The following COL4A3 variants were observed in gnomAD, a reference collection of about 807,000 sequenced individuals.
The protein encoded by COL4A3 is collagen type IV alpha 3 chain, also known as collagen alpha-3(IV) chain.
Under a neutral mutation model 217.4 loss-of-function variants are expected in COL4A3, and 135 were observed. The ratio of observed to expected loss-of-function variants is 0.62; its 90% CI spans 0.54 to 0.72. COL4A3 has a LOEUF of 0.72. COL4A3 is among the 30% of genes least tolerant of loss of function. The probability of loss-of-function intolerance (pLI) is 0.00; values close to 1 mark genes in which losing one functional copy is unlikely to be tolerated. For synonymous variants in COL4A3, 690 were observed against 736.3 expected (o/e 0.94, Z 1.02); for missense variants, 1,868 against 2,119.9 (o/e 0.88, Z 2.33).
At chr2:227,236,991 T>A (rs550301020) in intron 1 of COL4A3, among the ~76,000 whole-genome samples, 3 of 152,216 alleles carry the variant, frequency 2.0e-5, no homozygotes, top group Non-Finnish European at 2.9e-5. Context: ...TATTTGAAAC[T>A]ATTTCTTTAT....
chr2:227,232,032 A>G (rs1253124603), intron 1 of COL4A3, among the ~76,000 whole-genome samples: 1 of 151,924 alleles, frequency 6.6e-6, no homozygotes, highest in African/African-American at 2.4e-5. Context: ...TGATTTTTAG[A>G]TCCCACACAT....
chr2:227,290,679 T>C, intron 36 of COL4A3, 68 bp from the exon 37 acceptor site: 2 of 1,531,374 alleles, frequency 1.3e-6, no homozygotes, highest in Non-Finnish European at 9.0e-7. Context: ...TATGTAAAAC[T>C]GAAAAGTAGA....
chr2:227,223,735 A>T (rs1387458080), intron 1 of COL4A3, among the ~76,000 whole-genome samples: 1 of 130,564 alleles, frequency 7.7e-6, no homozygotes, highest in Non-Finnish European at 1.8e-5. Flanking sequence ...CTCTGTCTCA[A>T]ATAAATAAAT....
At chr2:227,188,453 C>A (rs1262397776) in intron 1 of COL4A3, among the ~76,000 whole-genome samples, 1 of 151,972 alleles carries the variant, frequency 6.6e-6, no homozygotes, top group South Asian at 2.1e-4. Flanking sequence ...ATAACCCAGG[C>A]CACCGAGAGG....
chr2:227,310,487 T>C (rs1457755224), intron 50 of COL4A3, among the ~76,000 whole-genome samples: 1 of 152,228 alleles, frequency 6.6e-6, no homozygotes, highest in African/African-American at 2.4e-5. Flanking sequence ...GGCTACTTTT[T>C]GTATTTTTAG....
chr2:227,185,296 G>A (rs191169346), intron 1 of COL4A3, among the ~76,000 whole-genome samples: 1 of 152,246 alleles, frequency 6.6e-6, no homozygotes, highest in Non-Finnish European at 1.5e-5. Context: ...CCAAGTGCAA[G>A]GTCTGATCAA....
chr2:227,185,830 G>A (rs989516313), intron 1 of COL4A3, among the ~76,000 whole-genome samples: 2 of 152,200 alleles, frequency 1.3e-5, no homozygotes, highest in African/African-American at 4.8e-5. Context: ...CTATGGTGTG[G>A]CCTGGAAACC....
rs951472947 is a variant in COL4A3 at position 227,267,165 on chromosome 2, T to C, written c.1504+77T>C. Reference sequence around the variant, plus strand: ...ACTGGAAGAAAATAAAGGCATTGGATTGGTGGATGTCACAACGTGGTTTAG... The same window carrying C: ...ACTGGAAGAAAATAAAGGCATTGGACTGGTGGATGTCACAACGTGGTTTAG... On this transcript the variant is annotated intron_variant, in intron 23 of 51. Coordinates refer to ENST00000396578, the MANE Select transcript of COL4A3 (RefSeq NM_000091.5). 8 of 998,234 alleles carry C rather than the reference T, an allele frequency of 8.0e-6. No homozygotes were observed. The African/African-American group carries it at 1.1e-4, about 14-fold the overall frequency. 61.8% of individuals were successfully genotyped at this position (998,234 alleles called of 1,614,324 possible).
chr2:227,274,792 C>A (rs2071460436), intron 26 of COL4A3, among the ~76,000 whole-genome samples: 1 of 152,162 alleles, frequency 6.6e-6, no homozygotes, highest in African/African-American at 2.4e-5. Context: ...AGCCACCATG[C>A]CTGGCCGAAG....
At chr2:227,287,998 AG>A (rs1214502364) in intron 34 of COL4A3, among the ~76,000 whole-genome samples, 1 of 152,248 alleles carries the variant, frequency 6.6e-6, no homozygotes, top group Non-Finnish European at 1.5e-5. Flanking sequence ...AATCTGCTTG[AG>A]AAAAAGCACA....
Position 227,175,676 on chromosome 2 carries a change from G to A in COL4A3, c.87+10863G>A, listed in dbSNP as rs571473396. 9.2e-5 allele frequency among the ~76,000 whole-genome samples: 14 copies of A among 152,314 alleles called. No individual in the cohort carries two copies. In the South Asian group the frequency reaches 1.9e-3, roughly 20 times the overall value. On this transcript the variant is annotated intron_variant, in intron 1 of 51. Coordinates refer to ENST00000396578, the MANE Select transcript of COL4A3 (RefSeq NM_000091.5). ...GAGGAGGTGGGTCTGTCGTGGTTAT[G>A]CTAATTGAGGATTGAGCATTGCTGG...
At chr2:227,176,118 G>A (rs2065665975) in intron 1 of COL4A3, among the ~76,000 whole-genome samples, 1 of 152,106 alleles carries the variant, frequency 6.6e-6, no homozygotes, top group Non-Finnish European at 1.5e-5. Flanking sequence ...TGAAGAGGAG[G>A]GGAAGAGAAC....
intron 1 of COL4A3, among the ~76,000 whole-genome samples, chr2:227,210,679 TAAGATA>T (rs976952261): frequency 4.6e-5 from 7 of 152,246 alleles, no homozygotes; most frequent in Non-Finnish European, 1.0e-4. Flanking sequence ...ACATATGCGT[TAAGATA>T]AAGAACATAA....
intron 25 of COL4A3, among the ~76,000 whole-genome samples, chr2:227,271,433 A>G (rs540529629): frequency 1.3e-5 from 2 of 149,186 alleles, no homozygotes; most frequent in African/African-American, 2.5e-5. Flanking sequence ...AGTTTCTCAC[A>G]TATTTAATTG....
At chr2:227,269,545 C>T (rs1393776057) in intron 23 of COL4A3, among the ~76,000 whole-genome samples, 1 of 152,154 alleles carries the variant, frequency 6.6e-6, no homozygotes, top group Non-Finnish European at 1.5e-5. Flanking sequence ...CATTAATTTA[C>T]ATTAAACTTT....
chr2:227,182,421 C>A (rs1053076630), intron 1 of COL4A3, among the ~76,000 whole-genome samples: 1 of 152,170 alleles, frequency 6.6e-6, no homozygotes, highest in African/African-American at 2.4e-5. Flanking sequence ...CATCAAAGAG[C>A]AATGTCCTGT....
At chr2:227,233,754 G>A (rs1322378210) in intron 1 of COL4A3, among the ~76,000 whole-genome samples, 1 of 152,168 alleles carries the variant, frequency 6.6e-6, no homozygotes, top group African/African-American at 2.4e-5. Flanking sequence ...TGATGGGAAA[G>A]CAGACACCAG....
At chr2:227,241,088 A>G (rs1198822645) in intron 3 of COL4A3, among the ~76,000 whole-genome samples, 2 of 152,074 alleles carry the variant, frequency 1.3e-5, no homozygotes, top group African/African-American at 2.4e-5. Context: ...TCCCGAGTCT[A>G]TGACCCTTCA....
At chr2:227,175,246 C>A (rs557881177) in intron 1 of COL4A3, among the ~76,000 whole-genome samples, 5 of 152,088 alleles carry the variant, frequency 3.3e-5, no homozygotes, top group Non-Finnish European at 7.4e-5. Flanking sequence ...CCAAGGTGGG[C>A]AGATCACCTG....
Sources: gnomAD v4.1 joint callset for allele counts (sites outside exome capture counted in the v4.1 genomes callset) on GRCh38, gnomAD v4.1.1 for gene constraint, MANE v1.5 for transcripts, NCBI Gene and HGNC (gene_info 2026-07-23, HGNC 2026-07-21) for gene names.